ADAM12: variants seen among roughly 807,000 people sequenced by gnomAD.
ADAM12 encodes the protein ADAM metallopeptidase domain 12.
A neutral mutation model predicts 106.4 loss-of-function variants in ADAM12; 70 were observed. The ratio of observed to expected loss-of-function variants is 0.66; its 90% CI spans 0.54 to 0.80. The LOEUF is 0.80. Ranked by LOEUF, ADAM12 falls within the 30% of genes least tolerant of loss-of-function variation. ADAM12 has a pLI of 0.00. For synonymous variants in ADAM12, 420 were observed against 433.5 expected (o/e 0.97, Z 0.39); for missense variants, 1,010 against 1,171.9 (o/e 0.86, Z 2.02).
chr10:126,036,388 G>A, intron 20 of ADAM12, 63 bp from the exon 21 acceptor site: 1 of 1,515,936 alleles, frequency 6.6e-7, no homozygotes, highest in Non-Finnish European at 8.8e-7. Flanking sequence ...AACTCCTTAA[G>A]GAAAAAGCAG....
At chr10:126,118,895 C>T (rs1956036379) in intron 5 of ADAM12, among the ~76,000 whole-genome samples, 1 of 152,138 alleles carries the variant, frequency 6.6e-6, no homozygotes, top group African/African-American at 2.4e-5. Context: ...ATTTCATTTA[C>T]AATAATGGCC....
chr10:126,148,319 AGAG>A (rs1431532103), intron 4 of ADAM12, among the ~76,000 whole-genome samples: 2 of 152,228 alleles, frequency 1.3e-5, no homozygotes, highest in African/African-American at 4.8e-5. Context: ...CTTGAGCAGA[AGAG>A]GAGATGAGTC....
chr10:126,048,131 G>A (rs1053954363), intron 16 of ADAM12, among the ~76,000 whole-genome samples: 10 of 152,148 alleles, frequency 6.6e-5, no homozygotes, highest in African/African-American at 2.4e-4. Flanking sequence ...AAAACACACT[G>A]GGCCTATCAG....
chr10:126,273,247 G>A (rs1485577487), intron 3 of ADAM12: 5 of 153,338 alleles, frequency 3.3e-5, no homozygotes, highest in Non-Finnish European at 7.3e-5. Context: ...GGCACAATCA[G>A]TGAAGAAAAA....
chr10:126,060,274 G>A (rs1054586591), intron 14 of ADAM12, among the ~76,000 whole-genome samples: 1 of 152,262 alleles, frequency 6.6e-6, no homozygotes, highest in African/African-American at 2.4e-5. Flanking sequence ...GAAATATAAC[G>A]CCAGATTGAG....
rs576241122 is a variant in ADAM12 at position 126,376,737 on chromosome 10, A to G, written c.88+11321T>C. 8.5e-5 allele frequency among the ~76,000 whole-genome samples: 13 copies of G among 152,354 alleles called. No homozygotes were observed. The East Asian group carries it at 2.3e-3, about 27-fold the overall frequency. ...TACAAGTCCCCATACAGTATTTTGC[A>G]GAACTTAGCAAGAAGATTCTGAAGT... On this transcript the variant is annotated intron_variant, in intron 1 of 22. Transcript: ENST00000448723.
At chr10:126,287,725 G>A (rs1959937096) in intron 2 of ADAM12, among the ~76,000 whole-genome samples, 1 of 151,972 alleles carries the variant, frequency 6.6e-6, no homozygotes, top group Non-Finnish European at 1.5e-5. Flanking sequence ...CCAGGCACTG[G>A]CCTGGACATC....
intron 4 of ADAM12, among the ~76,000 whole-genome samples, chr10:126,146,982 A>T (rs978569070): frequency 1.3e-5 from 2 of 152,112 alleles, no homozygotes; most frequent in South Asian, 2.1e-4. Context: ...ATCCGCCCTG[A>T]CGTGTTTAGT....
chr10:126,233,397 G>C (rs1219811492), intron 3 of ADAM12, among the ~76,000 whole-genome samples: 1 of 152,178 alleles, frequency 6.6e-6, no homozygotes, highest in Non-Finnish European at 1.5e-5. Context: ...CTCAGACAAG[G>C]TCCTGCTGGG....
chr10:126,181,849 C>T lies in ADAM12; in HGVS notation c.261-26544G>A, dbSNP rs151233538. Among the ~76,000 whole-genome samples, 1,284 of 152,306 alleles carry T rather than the reference C, an allele frequency of 8.4e-3. 15 individuals carry two copies. The highest frequency in any genetic ancestry group is 0.029 in the African/African-American group (1,219 of 41,552). ...GCAGTCCTTCTGGACCGACCAATAG[C>T]CGCAGGAGCCCCTCCTGGTGTGGAG... On this transcript the variant is annotated intron_variant, in intron 3 of 22. Transcript: ENST00000448723.
At chr10:126,359,984 T>C (rs780093881) in intron 1 of ADAM12, among the ~76,000 whole-genome samples, 3 of 152,244 alleles carry the variant, frequency 2.0e-5, no homozygotes, top group Non-Finnish European at 4.4e-5. Flanking sequence ...TTGACTTCTG[T>C]GTACCCACAG....
chr10:126,040,183 C>T (rs929663028), intron 18 of ADAM12, among the ~76,000 whole-genome samples: 11 of 152,098 alleles, frequency 7.2e-5, no homozygotes, highest in African/African-American at 2.7e-4. Flanking sequence ...CTTACAGTAG[C>T]TATGGTCAGC....
chr10:126,039,151 G>A, intron 19 of ADAM12, 143 bp downstream of exon 19: 2 of 918,396 alleles, frequency 2.2e-6, no homozygotes, highest in Non-Finnish European at 3.2e-6. Flanking sequence ...AGTAGAGACG[G>A]GGTTTCACCG....
chr10:126,323,887 T>C (rs1590782147), intron 2 of ADAM12, among the ~76,000 whole-genome samples: 1 of 152,316 alleles, frequency 6.6e-6, no homozygotes, highest in East Asian at 1.9e-4. Context: ...GCATTGCTTA[T>C]TGGGTTGAGC....
intron 9 of ADAM12, among the ~76,000 whole-genome samples, chr10:126,099,196 A>G (rs1478148489): frequency 6.6e-6 from 1 of 152,236 alleles, no homozygotes; most frequent in Non-Finnish European, 1.5e-5. Flanking sequence ...CTCATGCATG[A>G]AAAACAAAAC....
chr10:126,051,495 A>G (rs1954485518), intron 14 of ADAM12, among the ~76,000 whole-genome samples: 2 of 103,840 alleles, frequency 1.9e-5, no homozygotes, highest in African/African-American at 3.8e-5. Flanking sequence ...CCACCCGTCC[A>G]TCCACCCGTC....
intron 2 of ADAM12, among the ~76,000 whole-genome samples, chr10:126,296,355 G>A (rs1256894858): frequency 6.6e-6 from 1 of 152,112 alleles, no homozygotes; most frequent in Non-Finnish European, 1.5e-5. Context: ...GGCTGCTCTT[G>A]AACTTCTGGC....
At chr10:126,104,317 G>GT (rs1406208491) in intron 8 of ADAM12, among the ~76,000 whole-genome samples, 2 of 151,962 alleles carry the variant, frequency 1.3e-5, no homozygotes, top group African/African-American at 4.8e-5. Flanking sequence ...AGGCCTGATG[G>GT]TGGGTGCCTG....
intron 1 of ADAM12, among the ~76,000 whole-genome samples, chr10:126,365,025 C>A (rs1331816199): frequency 1.3e-5 from 2 of 152,144 alleles, no homozygotes; most frequent in African/African-American, 4.8e-5. Context: ...GTGTCTACAG[C>A]ACACTCATTC....
Sources: allele counts gnomAD v4.1 joint callset (sites outside exome capture counted in the v4.1 genomes callset), GRCh38; gene constraint gnomAD v4.1.1; transcripts MANE v1.5; gene names NCBI Gene and HGNC (gene_info 2026-07-23, HGNC 2026-07-21).